Variants in SIK3 observed in about 807,000 individuals in gnomAD.
The protein encoded by SIK3 is SIK family kinase 3.
In SIK3, 28 loss-of-function variants were observed where a neutral mutation model predicts 144.2. That is an observed-to-expected ratio of 0.19 (90% CI 0.14 to 0.27). SIK3 has a LOEUF of 0.27. SIK3 is among the 10% of genes least tolerant of loss of function. The pLI, the probability that SIK3 is intolerant of heterozygous loss-of-function variation, is 1.00. For missense variants in SIK3, 1,319 were observed against 1,776.0 expected, an observed-to-expected ratio of 0.74 and a Z score of 4.62; for synonymous variants, 686 against 676.3, an observed-to-expected ratio of 1.01 and a Z score of -0.22.
intron 4 of SIK3, among the ~76,000 whole-genome samples, chr11:116,913,834 G>A (rs1946466552): frequency 6.6e-6 from 1 of 152,022 alleles, no homozygotes; most frequent in South Asian, 2.1e-4. Context: ...AGGTTGCAGT[G>A]GGCAGAGATC....
intron 7 of SIK3, 67 bp from the exon 8 acceptor site, chr11:116,876,430 A>G (rs1565397607): frequency 7.8e-7 from 1 of 1,285,762 alleles, no homozygotes; most frequent in Non-Finnish European, 1.1e-6. Flanking sequence ...CACAGCATAT[A>G]TAATGACCAA....
chr11:116,861,416 C>T, intron 18 of SIK3, 33 bp from the exon 19 acceptor site: 2 of 1,466,220 alleles, frequency 1.4e-6, no homozygotes, highest in Non-Finnish European at 1.9e-6. Context: ...CACAAAGAAG[C>T]TTCCTAAGGT....
intron 1 of SIK3, among the ~76,000 whole-genome samples, chr11:117,009,135 T>C (rs1824474635): frequency 6.6e-6 from 1 of 150,628 alleles, no homozygotes; most frequent in East Asian, 1.9e-4. Context: ...CTTGGGGGGC[T>C]GAGGCAGGAG....
intron 4 of SIK3, among the ~76,000 whole-genome samples, chr11:116,907,367 C>T (rs184283305): frequency 6.6e-6 from 1 of 152,188 alleles, no homozygotes; most frequent in African/African-American, 2.4e-5. Context: ...TAAAAATTTG[C>T]CAGGCACAGT....
intron 1 of SIK3, among the ~76,000 whole-genome samples, chr11:116,959,545 T>A (rs7120963): frequency 6.6e-6 from 1 of 151,970 alleles, no homozygotes; most frequent in Non-Finnish European, 1.5e-5. Context: ...ACAATGTAAC[T>A]GGGGAAAAGC....
chr11:116,853,181 G>C (rs1404729939), intron 21 of SIK3, among the ~76,000 whole-genome samples: 1 of 152,180 alleles, frequency 6.6e-6, no homozygotes, highest in Admixed American at 6.5e-5. Context: ...AACTGTAAAA[G>C]ACCAAATAAG....
chr11:116,907,463 A>G (rs1410333669), intron 4 of SIK3, among the ~76,000 whole-genome samples: 1 of 152,188 alleles, frequency 6.6e-6, no homozygotes, highest in South Asian at 2.1e-4. Context: ...CCTGGCCAAC[A>G]CGGCAAAACC....
intron 1 of SIK3, among the ~76,000 whole-genome samples, chr11:117,090,255 G>A (rs752762750): frequency 3.3e-5 from 5 of 152,016 alleles, no homozygotes; most frequent in East Asian, 1.9e-4. Flanking sequence ...CAAGCTACTC[G>A]CTATTAGGAG....
In SIK3 at chr11:116,947,564, TATGTA is replaced by T. The variant is rs1565488060; in HGVS notation, c.454+6475_454+6479del. Reference sequence around the variant, plus strand: ...GTATGTATGTATGTATGTATGTATGTATGTATTTTTTTTTTTTTTGAGACAGAGTC... The same window carrying T: ...GTATGTATGTATGTATGTATGTATGTTTTTTTTTTTTTTTGAGACAGAGTC... On this transcript the variant is annotated intron_variant, in intron 3 of 24. Coordinates refer to ENST00000445177, the MANE Select transcript of SIK3 (RefSeq NM_001366686.3). Among the ~76,000 whole-genome samples, 259 of 60,376 alleles carry T rather than the reference TATGTA, an allele frequency of 4.3e-3. 1 individual carries two copies. The highest frequency in any genetic ancestry group is 0.016 in the Middle Eastern group (2 of 128). 39.6% of individuals were successfully genotyped at this position (60,376 alleles called of 152,430 possible). A position where few individuals can be genotyped will look rare whatever the true frequency, so the allele number is the denominator to read the frequency against.
intron 1 of SIK3, among the ~76,000 whole-genome samples, chr11:117,091,404 C>T (rs1955244752): frequency 6.6e-6 from 1 of 151,916 alleles, no homozygotes; most frequent in Admixed American, 6.6e-5. Context: ...CAGGGTTTCG[C>T]CATGTTAGCC....
intron 13 of SIK3, among the ~76,000 whole-genome samples, chr11:116,872,979 T>G (rs1043333344): frequency 1.3e-5 from 2 of 152,254 alleles, no homozygotes; most frequent in Non-Finnish European, 2.9e-5. Context: ...GTGACTAAGA[T>G]AACTGACTCG....
Position 116,858,300 on chromosome 11 carries a change from CTGCTGCTGCTGCCGTTGT to C in SIK3, c.3147_3164del (p.Arg1051_Gln1056del), listed in dbSNP as rs766157160. On this transcript the variant is annotated inframe_deletion, in exon 21 of 25. Coordinates refer to ENST00000445177, the MANE Select transcript of SIK3 (RefSeq NM_001366686.3). This position sits in a 1 kb window ranked among gnomAD's most constrained non-coding sequence, Gnocchi z 5.4. ...GGTATTCTTGCTGTTGCTGCTGTTG[CTGCTGCTGCTGCCGTTGT>C]TGCTGCTGCCTTTTAATGAGCTGTG... The C allele has an allele frequency of 1.9e-6, 3 of 1,606,702 alleles. No homozygotes were observed. The highest frequency in any genetic ancestry group is 1.7e-6 in the Non-Finnish European group (2 of 1,174,928).
At chr11:117,043,607 A>C (rs551496002) in intron 1 of SIK3, among the ~76,000 whole-genome samples, 24 of 152,332 alleles carry the variant, frequency 1.6e-4, no homozygotes, top group African/African-American at 5.3e-4. Flanking sequence ...CCATGCCTCA[A>C]CATTGCGTGA....
intron 1 of SIK3, among the ~76,000 whole-genome samples, chr11:117,047,958 G>A (rs1167237892): frequency 6.6e-6 from 1 of 152,168 alleles, no homozygotes; most frequent in African/African-American, 2.4e-5. Flanking sequence ...GACAGCCTCA[G>A]TGTGTCCTAC....
At chr11:116,850,207 C>T (rs1346759249) in intron 21 of SIK3, among the ~76,000 whole-genome samples, 2 of 152,154 alleles carry the variant, frequency 1.3e-5, no homozygotes, top group Admixed American at 6.5e-5. Flanking sequence ...ATAACCAATC[C>T]CCTACTACTA....
intron 6 of SIK3, among the ~76,000 whole-genome samples, chr11:116,879,093 A>AGACACTTAG (rs1280577380): frequency 6.6e-6 from 1 of 152,222 alleles, no homozygotes; most frequent in East Asian, 1.9e-4. Flanking sequence ...TATTATATCT[A>AGACACTTAG]GACACTTAGG....
Position 116,978,015 on chromosome 11 carries a change from G to A in SIK3, c.274-20951C>T, listed in dbSNP as rs372031608. 8.9e-4 allele frequency among the ~76,000 whole-genome samples: 135 copies of A among 152,254 alleles called. 3 individuals are homozygous for A. In the South Asian group the frequency reaches 0.027, roughly 30 times the overall value. ...GGGTGGATCACGAGGTCAGGAGATC[G>A]AGACCGTCCTGGCTAACACGGTGAA... On this transcript the variant is annotated intron_variant, in intron 1 of 24. Coordinates refer to ENST00000445177, the MANE Select transcript of SIK3 (RefSeq NM_001366686.3).
intron 1 of SIK3, among the ~76,000 whole-genome samples, chr11:117,047,518 G>A (rs1287178161): frequency 1.3e-5 from 2 of 152,186 alleles, no homozygotes; most frequent in African/African-American, 4.8e-5. Flanking sequence ...AAAATATAGA[G>A]AATCTGGAAA....
intron 4 of SIK3, among the ~76,000 whole-genome samples, chr11:116,916,175 T>C (rs569970481): frequency 6.6e-6 from 1 of 152,284 alleles, no homozygotes; most frequent in African/African-American, 2.4e-5. Context: ...CTACTTGAGA[T>C]GGTAAATTAA....
Sources: allele counts gnomAD v4.1 joint callset (sites outside exome capture counted in the v4.1 genomes callset), GRCh38; gene constraint gnomAD v4.1.1; non-coding constraint Gnocchi (gnomAD v3.1); transcripts MANE v1.5; gene names NCBI Gene and HGNC (gene_info 2026-07-23, HGNC 2026-07-21).